MAD2L2: variants seen among roughly 807,000 people sequenced by gnomAD.
MAD2L2 encodes mitotic arrest deficient 2 like 2, also known as mitotic spindle assembly checkpoint protein MAD2B.
In MAD2L2, 17 loss-of-function variants were observed where a neutral mutation model predicts 30.5. The observed-to-expected ratio is 0.56, with a 90% confidence interval of 0.38 to 0.84. The LOEUF is 0.84. Among genes scored for constraint, MAD2L2 ranks in the 40% least tolerant of loss-of-function variants. MAD2L2 has a pLI of 0.00. For synonymous variants in MAD2L2, 101 were observed against 113.9 expected (o/e 0.89, Z 0.72); for missense variants, 213 against 277.4 (o/e 0.77, Z 1.65).
At position 11,690,656 on chromosome 1, in the gene MAD2L2, C is replaced by G. The variant is rs1045486675; in HGVS notation, c.-692+757G>C. On this transcript the variant is annotated intron_variant, in intron 1 of 10. Transcript: ENST00000235310. The surrounding 1 kb of genome is among the most constrained non-coding windows in gnomAD (Gnocchi z 4.2). ...TGGAAGCCACCTGGCGAGCTCAGGG[C>G]GCCAGGTGGGAGCGCTGCTTCCCAC... 3.3e-5 allele frequency among the ~76,000 whole-genome samples: 5 copies of G among 152,306 alleles called. No individual in the cohort carries two copies. The highest frequency in any genetic ancestry group is 1.2e-4 in the African/African-American group (5 of 41,572).
upstream of MAD2L2, among the ~76,000 whole-genome samples, chr1:11,684,117 T>C (rs1640918274): frequency 6.6e-6 from 1 of 151,484 alleles, no homozygotes; most frequent in South Asian, 2.1e-4. Flanking sequence ...ATTAGTGAAA[T>C]GAACAGGCCA....
intron 1 of MAD2L2, among the ~76,000 whole-genome samples, chr1:11,686,952 A>G (rs1640968215): frequency 6.6e-6 from 1 of 152,054 alleles, no homozygotes; most frequent in Non-Finnish European, 1.5e-5. Context: ...GAACATTTTC[A>G]TCACTCCTGA....
Position 11,676,948 on chromosome 1 carries a change from T to A in MAD2L2, c.232A>T (p.Asn78Tyr). The A allele has an allele frequency of 6.2e-7, 1 of 1,613,040 alleles. No individual in the cohort carries two copies. The highest frequency in any genetic ancestry group is 8.5e-7 in the Non-Finnish European group (1 of 1,179,114). The change falls in exon 5 of 9, where the codon AAT becomes TAT. Residue 78 changes from asparagine (N) to tyrosine (Y), a missense_variant and splice_region_variant. Asn to Tyr is a moderately radical substitution (Grantham distance 143, BLOSUM62 -2). Coordinates refer to ENST00000376692, the MANE Select transcript of MAD2L2 (RefSeq NM_006341.4). ...LHCVKPLLEK[N>Y]DVEKVVVVIL... is the part of the protein sequence containing the mutation. ...ACCACCACCACTTTCTCCACATCATTCTGCAAAGAGAGGAACCCCCACTGC... is the reference window on the plus strand; with the variant it reads ...ACCACCACCACTTTCTCCACATCATACTGCAAAGAGAGGAACCCCCACTGC...
chr1:11,686,941 G>A (rs147867685), intron 1 of MAD2L2, among the ~76,000 whole-genome samples: 167 of 151,860 alleles, frequency 1.1e-3, no homozygotes, highest in African/African-American at 3.9e-3. Context: ...TCTCTAATTC[G>A]GAACATTTTC....
rs143188284 is a variant in MAD2L2, at chr1:11,680,882, AG to A, written c.-13+156del. 2,455 of 853,962 alleles carry A rather than the reference AG, an allele frequency of 2.9e-3. 46 individuals carry two copies. In the African/African-American group the frequency reaches 0.038, roughly 13 times the overall value. The allele number at this position is 853,962 out of a possible 1,614,324, so 52.9% of individuals were successfully genotyped here. ...CCACAGCTGTGCCCCCGAAAAGGGC[AG>A]GGCCGCGGACGCAGAGGGAAACAGC... On this transcript the variant is annotated intron_variant, in intron 1 of 8. Coordinates refer to ENST00000376692, the MANE Select transcript of MAD2L2 (RefSeq NM_006341.4).
At chr1:11,684,646 A>G (rs1640929179), upstream of MAD2L2, among the ~76,000 whole-genome samples, 1 of 152,150 alleles carries the variant, frequency 6.6e-6, no homozygotes, top group African/African-American at 2.4e-5. Context: ...TGAACCGGGC[A>G]ATGAAGTTTC....
chr1:11,676,475 G>A (rs28924112), intron 5 of MAD2L2, among the ~76,000 whole-genome samples: 14,710 of 152,196 alleles, frequency 0.097, 1,096 homozygotes, highest in African/African-American at 0.21. Flanking sequence ...GCTTGCCTAA[G>A]GCCACACAGG....
chr1:11,677,033 G>T, intron 4 of MAD2L2, 85 bp from the exon 5 acceptor site: 1 of 1,031,452 alleles, frequency 9.7e-7, no homozygotes, highest in African/African-American at 1.6e-5. Context: ...CCCAAGGAAG[G>T]AGGAGAAACG....
At chr1:11,678,944 A>G (rs2100710226) in intron 3 of MAD2L2, among the ~76,000 whole-genome samples, 1 of 152,330 alleles carries the variant, frequency 6.6e-6, no homozygotes, top group Non-Finnish European at 1.5e-5. Context: ...CAGGTGGATC[A>G]CCAGAGGTCA....
Position 11,674,950 on chromosome 1 carries a change from A to T in MAD2L2, c.594+132T>A. The T allele has an allele frequency of 7.7e-7, 1 of 1,293,682 alleles. No individual in the cohort carries two copies. Among genetic ancestry groups the T allele is most frequent in the Non-Finnish European group, 1.1e-6 (1 of 906,228 alleles). The allele number at this position is 1,293,682 out of a possible 1,614,324, so 80.1% of individuals were successfully genotyped here. On this transcript the variant is annotated intron_variant, in intron 8 of 8. Transcript: ENST00000376692. The surrounding 1 kb of genome is among the most constrained non-coding windows in gnomAD (Gnocchi z 6.1). ...GGCCATAGCCATGGTGGAGAAGAGTAGAGATGGGAGGAGCCCTCCACCAGG... is the reference window on the plus strand; with the variant it reads ...GGCCATAGCCATGGTGGAGAAGAGTTGAGATGGGAGGAGCCCTCCACCAGG...
upstream of MAD2L2, among the ~76,000 whole-genome samples, chr1:11,684,275 C>T (rs937808571): frequency 5.3e-5 from 8 of 152,188 alleles, no homozygotes; most frequent in Non-Finnish European, 1.2e-4. Context: ...ATATCTTAAT[C>T]GCATCAGCAT....
Position 11,675,187 on chromosome 1 carries a change from C to A in MAD2L2, c.502-13G>T. On this transcript the variant is annotated splice_polypyrimidine_tract_variant and intron_variant, in intron 7 of 8. Transcript: ENST00000376692. Reference sequence around the variant, plus strand: ...TCCAGGGGAAATCCTAGGGAGGAGACAAAGGTCAGGGGGGTGACGGGGCTG... The same window carrying A: ...TCCAGGGGAAATCCTAGGGAGGAGAAAAAGGTCAGGGGGGTGACGGGGCTG... The A allele has an allele frequency of 6.4e-7, 1 of 1,574,008 alleles. No homozygotes were observed. Among genetic ancestry groups the A allele is most frequent in the Non-Finnish European group, 8.7e-7 (1 of 1,155,884 alleles).
intron 3 of MAD2L2, among the ~76,000 whole-genome samples, chr1:11,679,194 A>T (rs937807910): frequency 5.3e-5 from 8 of 152,088 alleles, no homozygotes; most frequent in Non-Finnish European, 7.4e-5. Flanking sequence ...ATATAAAATA[A>T]AAAATAAAGT....
chr1:11,686,767 C>T (rs1640963002), intron 1 of MAD2L2, among the ~76,000 whole-genome samples: 1 of 142,178 alleles, frequency 7.0e-6, no homozygotes, highest in African/African-American at 2.6e-5. Context: ...CCATCCTGGG[C>T]CACAAGGTAA....
intron 1 of MAD2L2, 31 bp from the exon 2 acceptor site, chr1:11,680,644 T>TGGGG: frequency 2.6e-6 from 4 of 1,520,698 alleles, no homozygotes; most frequent in Non-Finnish European, 3.5e-6. Flanking sequence ...AGAGGGTAGT[T>TGGGG]CCAGAGACCC....
Position 11,680,588 on chromosome 1 carries a change from G to A in MAD2L2, c.14C>T (p.Thr5Ile). 1 of 1,579,844 alleles carries A rather than the reference G, an allele frequency of 6.3e-7. No homozygotes were observed. Among genetic ancestry groups the A allele is most frequent in the Non-Finnish European group, 8.6e-7 (1 of 1,159,796 alleles). The change falls in exon 2 of 9, where the codon ACA becomes ATA. Residue 5 changes from threonine (T) to isoleucine (I), a missense_variant. Physicochemically the swap from Thr to Ile is moderately conservative, Grantham distance 89. Coordinates refer to ENST00000376692, the MANE Select transcript of MAD2L2 (RefSeq NM_006341.4). Reference protein sequence around the residue: MTTLTRQDLNFGQVV... With the variant: MTTLIRQDLNFGQVV... ...TTGGCCAAAGTTGAGGTCTTGTCGT[G>A]TGAGCGTGGTCATCCTTCCCGCTAC...
intron 6 of MAD2L2, 132 bp from the exon 7 acceptor site, chr1:11,675,863 GC>G: frequency 1.1e-6 from 1 of 928,314 alleles, no homozygotes; most frequent in African/African-American, 1.6e-5. Context: ...GCTAAGAAAA[GC>G]CCCAGTCAAT....
At chr1:11,675,014 C>A in intron 8 of MAD2L2, 68 bp downstream of exon 8, 1 of 1,407,812 alleles carries the variant, frequency 7.1e-7, no homozygotes, top group East Asian at 2.3e-5. Flanking sequence ...CTAGTAAGGC[C>A]TCAGCACCGG....
chr1:11,681,712 C>G (rs1640883541), upstream of MAD2L2: 1 of 152,320 alleles, frequency 6.6e-6, no homozygotes, highest in African/African-American at 2.4e-5. Flanking sequence ...ACCCTCCCCG[C>G]CCTACGCTTC....
Sources: gnomAD v4.1 joint callset for allele counts (sites outside exome capture counted in the v4.1 genomes callset) on GRCh38, gnomAD v4.1.1 for gene constraint, Gnocchi (gnomAD v3.1) non-coding constraint, MANE v1.5 for transcripts, NCBI Gene and HGNC (gene_info 2026-07-23, HGNC 2026-07-21) for gene names.